KIAA0319L: variants seen among roughly 807,000 people sequenced by gnomAD.
The protein encoded by KIAA0319L is KIAA0319 like, also known as dyslexia-associated protein KIAA0319-like protein.
KIAA0319L carries 55 observed loss-of-function variants against 120.1 expected under a neutral mutation model. That is an observed-to-expected ratio of 0.46 (90% CI 0.37 to 0.57). The LOEUF is 0.57. KIAA0319L is among the 20% of genes least tolerant of loss of function. KIAA0319L has a pLI of 0.00. For missense variants in KIAA0319L, 1,049 were observed against 1,255.3 expected (o/e 0.84, Z 2.48); for synonymous variants, 398 against 471.9 (o/e 0.84, Z 2.03).
chr1:35,521,428 A>T (rs1230487402), intron 2 of KIAA0319L, among the ~76,000 whole-genome samples: 1 of 151,676 alleles, frequency 6.6e-6, no homozygotes, highest in East Asian at 1.9e-4. Flanking sequence ...AGGTCAGGAG[A>T]TCTAAACCAT....
chr1:35,490,682 A>G (rs1225342542), intron 3 of KIAA0319L, among the ~76,000 whole-genome samples: 1 of 152,244 alleles, frequency 6.6e-6, no homozygotes, highest in Non-Finnish European at 1.5e-5. Context: ...AACTTTTAAT[A>G]TAAATATTAC....
intron 2 of KIAA0319L, among the ~76,000 whole-genome samples, chr1:35,513,288 A>ATATATATATATATATATATATATATTTT (rs1414704674): frequency 2.3e-5 from 2 of 85,302 alleles, no homozygotes; most frequent in Admixed American, 2.7e-4. Flanking sequence ...ATATATATAT[A>ATATATATATATATATATATATATATTTT]TTTTTTTTTT....
chr1:35,474,764 A>C (rs1327186820), intron 5 of KIAA0319L, 41 bp downstream of exon 5: 1 of 1,288,370 alleles, frequency 7.8e-7, no homozygotes, highest in Non-Finnish European at 1.1e-6. Flanking sequence ...CATCTCTTTC[A>C]AAAACAAAAA....
intron 5 of KIAA0319L, among the ~76,000 whole-genome samples, chr1:35,471,891 C>T (rs1244736227): frequency 6.6e-6 from 1 of 152,184 alleles, no homozygotes; most frequent in South Asian, 2.1e-4. Context: ...TCCTGGGAGA[C>T]AAGGTCTTCT....
chr1:35,485,827 C>A (rs539479096), intron 3 of KIAA0319L, among the ~76,000 whole-genome samples: 2 of 152,078 alleles, frequency 1.3e-5, no homozygotes, highest in Non-Finnish European at 2.9e-5. Flanking sequence ...TCAATTGAGA[C>A]GGGGTCTCAC....
At chr1:35,513,285 TATA>T (rs200384637) in intron 2 of KIAA0319L, among the ~76,000 whole-genome samples, 2,611 of 102,456 alleles carry the variant, frequency 0.025, 39 homozygotes, top group East Asian at 0.057. Flanking sequence ...TATATATATA[TATA>T]TTTTTTTTTT....
intron 2 of KIAA0319L, among the ~76,000 whole-genome samples, chr1:35,553,217 C>A (rs1355937848): frequency 6.6e-6 from 1 of 152,092 alleles, no homozygotes; most frequent in Non-Finnish European, 1.5e-5. Flanking sequence ...GGTGACAAGA[C>A]CCCATCTCTT....
At chr1:35,542,374 C>T (rs914213114) in intron 2 of KIAA0319L, among the ~76,000 whole-genome samples, 1 of 152,192 alleles carries the variant, frequency 6.6e-6, no homozygotes, top group African/African-American at 2.4e-5. Context: ...AGTCCATGCT[C>T]CACGCCCTTC....
chr1:35,474,323 T>A (rs1333851727), intron 5 of KIAA0319L, among the ~76,000 whole-genome samples: 1 of 152,198 alleles, frequency 6.6e-6, no homozygotes, highest in African/African-American at 2.4e-5. Context: ...CATTTCTTTC[T>A]CAATAAAATG....
chr1:35,520,964 A>T (rs1299655960), intron 2 of KIAA0319L, among the ~76,000 whole-genome samples: 1 of 152,258 alleles, frequency 6.6e-6, no homozygotes, highest in Non-Finnish European at 1.5e-5. Context: ...GTGACACGAT[A>T]TCAAAAATAT....
intron 3 of KIAA0319L, among the ~76,000 whole-genome samples, chr1:35,502,458 T>C (rs981205721): frequency 1.0e-4 from 15 of 148,348 alleles, no homozygotes; most frequent in African/African-American, 2.3e-4. Context: ...ATCATCATCA[T>C]CACCATCACC....
chr1:35,513,325 T>G (rs1162145442), intron 2 of KIAA0319L, among the ~76,000 whole-genome samples: 2 of 134,174 alleles, frequency 1.5e-5, no homozygotes, highest in African/African-American at 5.6e-5. Flanking sequence ...GTATAAAATA[T>G]AACCTCTGGC....
intron 2 of KIAA0319L, among the ~76,000 whole-genome samples, chr1:35,545,079 A>T (rs2148501933): frequency 6.6e-6 from 1 of 152,276 alleles, no homozygotes; most frequent in Non-Finnish European, 1.5e-5. Flanking sequence ...AGGGGGCCCC[A>T]GAAGTCCAGT....
Position 35,481,820 on chromosome 1 carries a change from T to C in KIAA0319L, c.667-2608A>G, listed in dbSNP as rs1322919576. ...AGCAACCATTCTGCTGTTTCTTTTT[T>C]TTTTTTTTTTTTTTTTTTTTTTGAG... On this transcript the variant is annotated intron_variant, in intron 3 of 20. Coordinates refer to ENST00000325722, the MANE Select transcript of KIAA0319L (RefSeq NM_024874.5). Among the ~76,000 whole-genome samples the C allele has an allele frequency of 2.4e-3, 298 of 121,824 alleles. 2 individuals carry two copies. The highest frequency in any genetic ancestry group is 3.8e-3 in the Non-Finnish European group (225 of 59,774). The allele number at this position is 121,824 out of a possible 152,430, so 79.9% of individuals were successfully genotyped here.
At chr1:35,551,380 C>T (rs1164459290) in intron 2 of KIAA0319L, among the ~76,000 whole-genome samples, 1 of 152,054 alleles carries the variant, frequency 6.6e-6, no homozygotes, top group South Asian at 2.1e-4. Flanking sequence ...TGCTGTGGTG[C>T]GGTCTTGATT....
chr1:35,439,617 G>A (rs561129874), intron 20 of KIAA0319L: 1 of 152,274 alleles, frequency 6.6e-6, no homozygotes, highest in Admixed American at 6.5e-5. Context: ...ACTTGAGGAG[G>A]TTAAGGGAGG....
intron 3 of KIAA0319L, among the ~76,000 whole-genome samples, chr1:35,499,179 G>A (rs1644914147): frequency 6.6e-6 from 1 of 152,144 alleles, no homozygotes; most frequent in Non-Finnish European, 1.5e-5. Context: ...AGTTGTTAAG[G>A]GACCCACACC....
intron 2 of KIAA0319L, among the ~76,000 whole-genome samples, chr1:35,540,759 C>G (rs2148491544): frequency 6.6e-6 from 1 of 152,284 alleles, no homozygotes; most frequent in Middle Eastern, 3.4e-3. Flanking sequence ...GACTAGGTCT[C>G]TATTGTCATG....
At chr1:35,498,567 C>G (rs937321927) in intron 3 of KIAA0319L, among the ~76,000 whole-genome samples, 12 of 152,176 alleles carry the variant, frequency 7.9e-5, no homozygotes, top group Non-Finnish European at 1.8e-4. Context: ...TCTTCCTTCT[C>G]CCTTCCTCCC....
Sources: gnomAD v4.1 joint callset for allele counts (sites outside exome capture counted in the v4.1 genomes callset) on GRCh38, gnomAD v4.1.1 for gene constraint, MANE v1.5 for transcripts, NCBI Gene and HGNC (gene_info 2026-07-23, HGNC 2026-07-21) for gene names.